SAXO2: variants seen among roughly 807,000 people sequenced by gnomAD.
The protein encoded by SAXO2 is stabilizer of axonemal microtubules 2.
SAXO2 carries 17 observed loss-of-function variants against 18.7 expected under a neutral mutation model. The ratio of observed to expected loss-of-function variants is 0.91; its 90% CI spans 0.62 to 1.36. SAXO2 has a LOEUF of 1.36. Among genes scored for constraint, SAXO2 ranks in the 40% most tolerant of loss-of-function variants. The pLI is 0.00. For synonymous variants in SAXO2, 163 were observed against 181.2 expected, an observed-to-expected ratio of 0.90 and a Z score of 0.81; for missense variants, 486 against 562.6, an observed-to-expected ratio of 0.86 and a Z score of 1.38.
chr15:82,282,674 C>T lies in SAXO2; in HGVS notation c.989C>T (p.Ser330Phe). 1 of 1,614,030 alleles carries T rather than the reference C, an allele frequency of 6.2e-7. No homozygotes were observed. ...CATGTTGTTCCCATCAGGCCAGTTT[C>T]TCAAAAAAGAAGTAACAATTTTCCT... is the stretch of plus-strand genomic sequence containing the variant. ...ANHVVPIRPVSQKRSNNFPFQ... is the reference protein window; with the variant it reads ...ANHVVPIRPVFQKRSNNFPFQ... The change falls in exon 4 of 4, where the codon TCT (serine) becomes TTT (phenylalanine). Residue 330 changes from serine to phenylalanine, a missense_variant. By Grantham distance (155) the Ser-to-Phe change is radical. Transcript: ENST00000682753.
chr15:82,277,617 A>G (rs2075326470), intron 3 of SAXO2, among the ~76,000 whole-genome samples: 1 of 152,194 alleles, frequency 6.6e-6, no homozygotes, highest in Admixed American at 6.5e-5. Context: ...AAAGCCAGAT[A>G]ATCTACAAAA....
At chr15:82,264,770 G>A (rs542456971) in intron 1 of SAXO2, 2 of 697,392 alleles carry the variant, frequency 2.9e-6, no homozygotes, top group South Asian at 1.5e-5. Flanking sequence ...AGGTCAAGAA[G>A]CTGCCAAGTT....
intron 2 of SAXO2, among the ~76,000 whole-genome samples, chr15:82,270,233 A>G (rs1434080899): frequency 1.3e-5 from 2 of 152,188 alleles, no homozygotes; most frequent in African/African-American, 4.8e-5. Context: ...AGGTAGGTCC[A>G]AGTCTTGAGG....
At chr15:82,267,162 G>T (rs2075226618) in intron 2 of SAXO2, among the ~76,000 whole-genome samples, 1 of 152,140 alleles carries the variant, frequency 6.6e-6, no homozygotes, top group East Asian at 1.9e-4. Flanking sequence ...AGCCTCAGGA[G>T]GTCCCAATAA....
chr15:82,274,557 G>A (rs1020387923), intron 3 of SAXO2, among the ~76,000 whole-genome samples: 6 of 151,822 alleles, frequency 4.0e-5, no homozygotes, highest in Non-Finnish European at 8.8e-5. Flanking sequence ...CAAAACATTA[G>A]CTAGGCATGA....
chr15:82,270,658 A>C (rs1459513296), intron 2 of SAXO2, among the ~76,000 whole-genome samples: 2 of 152,210 alleles, frequency 1.3e-5, no homozygotes, highest in Non-Finnish European at 2.9e-5. Context: ...GTGTCAATAG[A>C]GTCCAGAAGA....
chr15:82,282,538 T>C lies in SAXO2; in HGVS notation c.853T>C (p.Trp285Arg), dbSNP rs11630197. Reference protein sequence around the residue: ...STEFRESFQPWEIPPPEVKKV... With the variant: ...STEFRESFQPREIPPPEVKKV... ...TGAATTCCGTGAAAGTTTTCAACCATGGGAAATCCCACCACCTGAGGTCAA... is the reference window on the plus strand; with the variant it reads ...TGAATTCCGTGAAAGTTTTCAACCACGGGAAATCCCACCACCTGAGGTCAA... Residue 285 changes from tryptophan to arginine, a missense_variant, in exon 4 of 4, where the codon TGG becomes CGG. Trp to Arg is a moderately radical substitution (Grantham distance 101). Coordinates refer to ENST00000682753, the MANE Select transcript of SAXO2 (RefSeq NM_001348699.2). 0.26 allele frequency: 416,932 copies of C among 1,613,954 alleles called. 56,284 individuals are homozygous for C. Among genetic ancestry groups the C allele is most frequent in the South Asian group, 0.4 (36,325 of 91,048 alleles).
chr15:82,263,397 T>C, intron 1 of SAXO2: 1 of 722,206 alleles, frequency 1.4e-6, no homozygotes, highest in Non-Finnish European at 2.5e-6. Context: ...CCCATTCCCG[T>C]CCAGGCAGCA....
chr15:82,273,779 C>T (rs1417198560), intron 3 of SAXO2, among the ~76,000 whole-genome samples: 1 of 151,888 alleles, frequency 6.6e-6, no homozygotes, highest in Non-Finnish European at 1.5e-5. Flanking sequence ...GCTCTGTCAC[C>T]CAGACTAGAG....
Position 82,264,773 on chromosome 15 carries a change from G to A in SAXO2, c.54-796G>A. 6 of 695,290 alleles carry A rather than the reference G, an allele frequency of 8.6e-6. No individual in the cohort carries two copies. In the South Asian group the frequency reaches 9.0e-5, roughly 10 times the overall value. 43.1% of individuals were successfully genotyped at this position (695,290 alleles called of 1,614,324 possible). A position where few individuals can be genotyped will look rare whatever the true frequency, so the allele number is the denominator to read the frequency against. On this transcript the variant is annotated intron_variant, in intron 1 of 3. Coordinates refer to ENST00000682753, the MANE Select transcript of SAXO2 (RefSeq NM_001348699.2). ...TCGTCTCTTCCAAGGTCAAGAAGCT[G>A]CCAAGTTAGGAAACCAGCTTGCAAA...
intron 2 of SAXO2, among the ~76,000 whole-genome samples, chr15:82,267,101 T>A (rs1258842378): frequency 6.6e-6 from 1 of 152,188 alleles, no homozygotes; most frequent in Non-Finnish European, 1.5e-5. Context: ...TAGGTGTCAG[T>A]TAATTTAGAA....
intron 2 of SAXO2, among the ~76,000 whole-genome samples, chr15:82,267,066 G>C (rs1229782559): frequency 6.6e-6 from 1 of 152,134 alleles, no homozygotes; most frequent in African/African-American, 2.4e-5. Context: ...AAAATGTCAA[G>C]TTTGTGAACC....
In SAXO2 at chr15:82,271,603, G is replaced by A. The variant is rs901236932; in HGVS notation, c.234G>A (p.Lys78=). Residue 78 remains lysine, a splice_region_variant and synonymous_variant, in exon 3 of 4, where the codon AAG becomes AAA. Coordinates refer to ENST00000682753, the MANE Select transcript of SAXO2 (RefSeq NM_001348699.2). ...HGKMEGITTF[K]SDYCPYEIVK... Reference sequence around the variant, plus strand: ...TATGTTTCAAATTTATATATTTCAGGTCGGATTATTGTCCTTATGAAATAG... The same window carrying A: ...TATGTTTCAAATTTATATATTTCAGATCGGATTATTGTCCTTATGAAATAG... 6.2e-7 allele frequency: 1 copy of A among 1,603,670 alleles called. No homozygotes were observed. The highest frequency in any genetic ancestry group is 1.7e-5 in the Admixed American group (1 of 58,028).
intron 3 of SAXO2, among the ~76,000 whole-genome samples, chr15:82,274,186 C>T (rs1199704712): frequency 2.6e-5 from 4 of 152,000 alleles, no homozygotes; most frequent in African/African-American, 4.8e-5. Flanking sequence ...ACCTGGGTTT[C>T]CTGTAGATTC....
chr15:82,265,657 A>G lies in SAXO2; in HGVS notation c.142A>G (p.Met48Val). 4 of 1,511,190 alleles carry G rather than the reference A, an allele frequency of 2.6e-6. No homozygotes were observed. The highest frequency in any genetic ancestry group is 1.3e-5 in the South Asian group (1 of 79,254). The allele number at this position is 1,511,190 out of a possible 1,614,324, so 93.6% of individuals were successfully genotyped here. A position where few individuals can be genotyped will look rare whatever the true frequency, so the allele number is the denominator to read the frequency against. The change falls in exon 2 of 4, where the codon ATG (methionine) becomes GTG (valine). Residue 48 changes from methionine (M) to valine (V), a missense_variant. Physicochemically the swap from Met to Val is conservative, Grantham distance 21. Coordinates refer to ENST00000682753, the MANE Select transcript of SAXO2 (RefSeq NM_001348699.2). ...PTTEYLEKYPMYDNVLPPQSL... is the reference protein window; with the variant it reads ...PTTEYLEKYPVYDNVLPPQSL... Reference sequence around the variant, plus strand: ...AACTGAATATTTGGAAAAATATCCTATGTATGACAATGTTCTTCCACCTCA... The same window carrying G: ...AACTGAATATTTGGAAAAATATCCTGTGTATGACAATGTTCTTCCACCTCA...
intron 2 of SAXO2, among the ~76,000 whole-genome samples, chr15:82,269,218 A>T (rs568323114): frequency 6.6e-6 from 1 of 152,320 alleles, no homozygotes; most frequent in East Asian, 1.9e-4. Flanking sequence ...AATAACTCTA[A>T]AACTGCAACA....
Position 82,282,267 on chromosome 15 carries a change from C to T in SAXO2, c.582C>T (p.Pro194=). The T allele has an allele frequency of 1.9e-6, 3 of 1,614,128 alleles. No homozygotes were observed. Among genetic ancestry groups the T allele is most frequent in the South Asian group, 1.1e-5 (1 of 91,066 alleles). The change falls in exon 4 of 4, where the codon CCC becomes CCT. Residue 194 remains proline (P), a synonymous_variant. Transcript: ENST00000682753. The stretch of plus-strand genomic sequence containing the variant: ...TAAAGCCTAGGCAAAGCTTTAAACC[C>T]TCCTCTGTGGTCAAACGTTCTACAG... The part of the protein sequence containing the change: ...QEIKPRQSFK[P]SSVVKRSTAP...
At chr15:82,278,139 C>T (rs528614535) in intron 3 of SAXO2, among the ~76,000 whole-genome samples, 7 of 152,134 alleles carry the variant, frequency 4.6e-5, no homozygotes, top group African/African-American at 1.7e-4. Context: ...TGTATTGCAA[C>T]TTGATGAAAG....
At position 82,282,673 on chromosome 15, in the gene SAXO2, T is replaced by A. The variant is rs1303059247; in HGVS notation, c.988T>A (p.Ser330Thr). 2.5e-6 allele frequency: 4 copies of A among 1,613,980 alleles called. No individual in the cohort carries two copies. The African/African-American group carries it at 5.3e-5, about 22-fold the overall frequency. The change falls in exon 4 of 4, where the codon TCT becomes ACT. Residue 330 changes from serine to threonine, a missense_variant. Physicochemically the swap from Ser to Thr is moderately conservative, Grantham distance 58. Coordinates refer to ENST00000682753, the MANE Select transcript of SAXO2 (RefSeq NM_001348699.2). ...CCATGTTGTTCCCATCAGGCCAGTT[T>A]CTCAAAAAAGAAGTAACAATTTTCC... ...ANHVVPIRPV[S>T]QKRSNNFPFQ...
Sources: gnomAD v4.1 joint callset for allele counts (sites outside exome capture counted in the v4.1 genomes callset) on GRCh38, gnomAD v4.1.1 for gene constraint, MANE v1.5 for transcripts, NCBI Gene and HGNC (gene_info 2026-07-23, HGNC 2026-07-21) for gene names.